Variants in CLEC18C observed in about 807,000 individuals in gnomAD.
The protein encoded by CLEC18C is C-type lectin domain family 18 member C.
A neutral mutation model predicts 27.2 loss-of-function variants in CLEC18C; 2 were observed. The ratio of observed to expected loss-of-function variants is 0.07; its 90% CI spans 0.03 to 0.23. The LOEUF is 0.23. Among genes scored for constraint, CLEC18C ranks in the 10% least tolerant of loss-of-function variants. CLEC18C has a pLI of 1.00. For missense variants in CLEC18C, 31 were observed against 269.0 expected, an observed-to-expected ratio of 0.12 and a Z score of 6.19; for synonymous variants, 13 against 112.8, an observed-to-expected ratio of 0.12 and a Z score of 5.61.
Position 70,177,322 on chromosome 16 carries a change from C to T in CLEC18C, c.298C>T (p.Leu100=). 6.2e-7 allele frequency: 1 copy of T among 1,606,642 alleles called. No individual in the cohort carries two copies. The highest frequency in any genetic ancestry group is 8.5e-7 in the Non-Finnish European group (1 of 1,178,116). The change falls in exon 4 of 13, where the codon CTG becomes TTG. Residue 100 remains leucine (L), a synonymous_variant. Transcript: ENST00000541793. ...CCCAACCCCGAGCCTGGCGTCCGGCCTGTGGCGCACCCTGCAAGTGGGCTG... is the reference window on the plus strand; with the variant it reads ...CCCAACCCCGAGCCTGGCGTCCGGCTTGTGGCGCACCCTGCAAGTGGGCTG... ...GIPTPSLASG[L]WRTLQVGWNM...
chr16:70,175,530 A>G (rs1968256001), intron 3 of CLEC18C, among the ~76,000 whole-genome samples: 1 of 134,280 alleles, frequency 7.4e-6, no homozygotes, highest in Non-Finnish European at 1.5e-5. Flanking sequence ...TCACTCGTCC[A>G]CATTTTCCAC....
At chr16:70,179,192 A>T (rs1288526112) in intron 4 of CLEC18C, among the ~76,000 whole-genome samples, 30 of 124,454 alleles carry the variant, frequency 2.4e-4, no homozygotes, top group Middle Eastern at 3.7e-3. Context: ...GGTGCTGCCA[A>T]AGTGCTTACG....
At chr16:70,179,260 A>ATT (rs369628252) in intron 4 of CLEC18C, among the ~76,000 whole-genome samples, 2,382 of 100,942 alleles carry the variant, frequency 0.024, 6 homozygotes, top group African/African-American at 0.083. Flanking sequence ...TGGCTCCTTA[A>ATT]TTTTTTTTTT....
intron 3 of CLEC18C, 152 bp from the exon 4 acceptor site, chr16:70,177,089 T>G: frequency 1.4e-6 from 1 of 722,674 alleles, no homozygotes; most frequent in Non-Finnish European, 2.2e-6. Flanking sequence ...ACAACACCAG[T>G]GCTTCCTCCA....
rs775005118 is a variant in CLEC18C at position 70,185,874 on chromosome 16, A to T, written c.1212-11A>T. 3 of 1,454,546 alleles carry T rather than the reference A, an allele frequency of 2.1e-6. No homozygotes were observed. The highest frequency in any genetic ancestry group is 2.8e-6 in the Non-Finnish European group (3 of 1,089,646). The allele number at this position is 1,454,546 out of a possible 1,614,324, so 90.1% of individuals were successfully genotyped here. A position where few individuals can be genotyped will look rare whatever the true frequency, so the allele number is the denominator to read the frequency against. On this transcript the variant is annotated splice_polypyrimidine_tract_variant and intron_variant, in intron 11 of 12. Coordinates refer to ENST00000541793, the MANE Select transcript of CLEC18C (RefSeq NM_173619.4). ...ACTCTTGCCTCCTGACCACCACACCATGGCCTGCAGGTTTGGCAACTGCGT... is the reference window on the plus strand; with the variant it reads ...ACTCTTGCCTCCTGACCACCACACCTTGGCCTGCAGGTTTGGCAACTGCGT...
Position 70,176,809 on chromosome 16 carries a change from G to A in CLEC18C, c.217-432G>A, listed in dbSNP as rs911601101. On this transcript the variant is annotated intron_variant, in intron 3 of 12. Coordinates refer to ENST00000541793, the MANE Select transcript of CLEC18C (RefSeq NM_173619.4). ...TGAGGCCAGGCTCCTGGGGGCAGGAGACTAGGGCAGAGAGGCGTGGCTGTA... is the reference window on the plus strand; with the variant it reads ...TGAGGCCAGGCTCCTGGGGGCAGGAAACTAGGGCAGAGAGGCGTGGCTGTA... 8.5e-5 allele frequency among the ~76,000 whole-genome samples: 9 copies of A among 105,710 alleles called. 3 individuals are homozygous for A. The highest frequency in any genetic ancestry group is 4.0e-4 in the African/African-American group (7 of 17,528). 69.3% of individuals were successfully genotyped at this position (105,710 alleles called of 152,430 possible). A position where few individuals can be genotyped will look rare whatever the true frequency, so the allele number is the denominator to read the frequency against.
intron 3 of CLEC18C, among the ~76,000 whole-genome samples, chr16:70,176,467 C>T (rs1968290542): frequency 6.7e-6 from 1 of 149,650 alleles, no homozygotes; most frequent in African/African-American, 2.5e-5. Context: ...GTGGCTCACA[C>T]CTGTAATCCC....
chr16:70,186,037 G>A (rs1170638794), intron 12 of CLEC18C, 61 bp downstream of exon 12: 25 of 1,483,468 alleles, frequency 1.7e-5, no homozygotes, highest in South Asian at 3.4e-5. Flanking sequence ...CTGCTGACCC[G>A]GTCCAGCCTG....
chr16:70,185,887 T>G lies in CLEC18C; in HGVS notation c.1214T>G (p.Phe405Cys). The G allele has an allele frequency of 6.3e-7, 1 of 1,582,320 alleles. No individual in the cohort carries two copies. The highest frequency in any genetic ancestry group is 8.5e-7 in the Non-Finnish European group (1 of 1,175,756). The change falls in exon 12 of 13, where the codon TTT becomes TGT. Residue 405 changes from phenylalanine to cysteine, a missense_variant and splice_region_variant. Transcript: ENST00000541793. The part of the protein sequence containing the change: ...FAFGQPDNHG[F>C]GNCVELQASA... ...GACCACCACACCATGGCCTGCAGGTTTGGCAACTGCGTGGAGCTGCAGGCT... is the reference window on the plus strand; with the variant it reads ...GACCACCACACCATGGCCTGCAGGTGTGGCAACTGCGTGGAGCTGCAGGCT...
intron 3 of CLEC18C, among the ~76,000 whole-genome samples, chr16:70,176,687 C>G (rs1968299309): frequency 7.7e-6 from 1 of 129,516 alleles, no homozygotes; most frequent in South Asian, 2.4e-4. Flanking sequence ...CGGGATTTCT[C>G]CACTGCACTC....
At chr16:70,175,585 A>T (rs1240219370) in intron 3 of CLEC18C, among the ~76,000 whole-genome samples, 1 of 126,526 alleles carries the variant, frequency 7.9e-6, no homozygotes, top group African/African-American at 4.3e-5. Context: ...GTTCCCCACC[A>T]GCCCGGCTGG....
Position 70,174,273 on chromosome 16 carries a change from A to G in CLEC18C, c.-6A>G. 7 of 1,343,800 alleles carry G rather than the reference A, an allele frequency of 5.2e-6. 2 individuals carry two copies. The highest frequency in any genetic ancestry group is 7.1e-6 in the Non-Finnish European group (7 of 979,260). 83.2% of individuals were successfully genotyped at this position (1,343,800 alleles called of 1,614,324 possible). ...GCACGGAGTGCCTGACGGGCCCAAC[A>G]GACCCATGCTGCATCCAGAGACCTC... On this transcript the variant is annotated 5_prime_UTR_variant, in exon 2 of 13. Transcript: ENST00000541793.
intron 3 of CLEC18C, among the ~76,000 whole-genome samples, chr16:70,175,850 T>G: frequency 7.4e-6 from 1 of 134,790 alleles, no homozygotes; most frequent in Non-Finnish European, 1.6e-5. Context: ...TTCTCCCCCA[T>G]TCCCAGCCCT....
chr16:70,185,959 G>A lies in CLEC18C; in HGVS notation c.1286G>A (p.Arg429His), dbSNP rs201901850. The change falls in exon 12 of 13, where the codon CGT (arginine) becomes CAT (histidine). Residue 429 changes from arginine (R) to histidine (H), a missense_variant. By Grantham distance (29) the Arg-to-His change is conservative. Transcript: ENST00000541793. ...WNNQRCKTRN[R>H]YICQFAQEHI... ...AACCAGCGCTGCAAAACCCGAAACCGTTACATCTGCCAGTTTGGTGAGGGA... is the reference window on the plus strand; with the variant it reads ...AACCAGCGCTGCAAAACCCGAAACCATTACATCTGCCAGTTTGGTGAGGGA... 125 of 1,595,356 alleles carry A rather than the reference G, an allele frequency of 7.8e-5. 5 individuals carry two copies. In the South Asian group the frequency reaches 8.8e-4, roughly 11 times the overall value.
At chr16:70,179,606 ACT>A (rs1968398228) in intron 4 of CLEC18C, among the ~76,000 whole-genome samples, 2 of 145,464 alleles carry the variant, frequency 1.4e-5, no homozygotes, top group African/African-American at 2.6e-5. Context: ...GAAAAACCTA[ACT>A]CTGTTTTGTT....
In CLEC18C at chr16:70,174,966, T is replaced by A. The variant is rs1359796124; in HGVS notation, c.144T>A (p.Ser48Arg). Residue 48 changes from serine to arginine, a missense_variant, in exon 3 of 13, where the codon AGT becomes AGA. Transcript: ENST00000541793. The stretch of plus-strand genomic sequence containing the variant: ...CCCCAGCCCTGAACAGGAAGGAGAG[T>A]TTCTTGCTCCTCTCCCTGCACAACC... ...PMAGALNRKE[S>R]FLLLSLHNRL... 1.1e-5 allele frequency: 14 copies of A among 1,328,062 alleles called. 3 individuals are homozygous for A. The highest frequency in any genetic ancestry group is 1.4e-5 in the Non-Finnish European group (14 of 976,804). 82.3% of individuals were successfully genotyped at this position (1,328,062 alleles called of 1,614,324 possible). A position where few individuals can be genotyped will look rare whatever the true frequency, so the allele number is the denominator to read the frequency against.
At chr16:70,175,525 C>T (rs1342214613) in intron 3 of CLEC18C, among the ~76,000 whole-genome samples, 3 of 135,822 alleles carry the variant, frequency 2.2e-5, no homozygotes, top group African/African-American at 9.9e-5. Flanking sequence ...CTCACTCACT[C>T]GTCCACATTT....
chr16:70,177,020 G>C (rs1461744024), intron 3 of CLEC18C, among the ~76,000 whole-genome samples: 11 of 117,816 alleles, frequency 9.3e-5, no homozygotes, highest in African/African-American at 3.7e-4. Context: ...CCCACGACAG[G>C]ATTTGGAGAT....
intron 1 of CLEC18C, 77 bp from the exon 2 acceptor site, chr16:70,174,094 CTT>C: frequency 2.7e-6 from 2 of 732,382 alleles, no homozygotes; most frequent in Non-Finnish European, 4.1e-6. Context: ...GGAGTTGTCT[CTT>C]TTCATGCCAG....
Sources: allele counts gnomAD v4.1 joint callset (sites outside exome capture counted in the v4.1 genomes callset), GRCh38; gene constraint gnomAD v4.1.1; transcripts MANE v1.5; gene names NCBI Gene and HGNC (gene_info 2026-07-23, HGNC 2026-07-21).